The following ANKUB1 variants were observed in gnomAD, a reference collection of about 807,000 sequenced individuals.
ANKUB1 encodes protein ANKUB1.
Under a neutral mutation model 49.3 loss-of-function variants are expected in ANKUB1, and 42 were observed. The ratio of observed to expected loss-of-function variants is 0.85; its 90% CI spans 0.67 to 1.10. The LOEUF is 1.10. Ranked by LOEUF, ANKUB1 falls within the 50% of genes least tolerant of loss-of-function variation. The probability of loss-of-function intolerance (pLI) is 0.00; values close to 1 mark genes in which losing one functional copy is unlikely to be tolerated. For missense variants in ANKUB1, 613 were observed against 642.0 expected (o/e 0.95, Z 0.49); for synonymous variants, 222 against 231.0 (o/e 0.96, Z 0.35).
rs1176422249 is a variant in ANKUB1, at chr3:149,777,309, T to TA, written c.451+2929dup. On this transcript the variant is annotated intron_variant, in intron 3 of 5. Coordinates refer to ENST00000446160, the MANE Select transcript of ANKUB1 (RefSeq NM_001144960.3). ...CAACAGGGTGAAACCCCGTCTCTAC[T>TA]AAAATACAAAACATTAGCTGGGAGT... Among the ~76,000 whole-genome samples the TA allele has an allele frequency of 1.6e-4, 24 of 151,804 alleles. 1 individual carries two copies. Among genetic ancestry groups the TA allele is most frequent in the Non-Finnish European group, 2.9e-5 (2 of 67,934 alleles).
intron 2 of ANKUB1, among the ~76,000 whole-genome samples, chr3:149,788,343 G>T (rs1576684360): frequency 1.3e-5 from 2 of 151,732 alleles, no homozygotes; most frequent in African/African-American, 4.8e-5. Context: ...TCTGTGTGTT[G>T]TCCAGTCCTG....
chr3:149,773,192 C>T (rs1266398121), intron 3 of ANKUB1, among the ~76,000 whole-genome samples: 1 of 152,078 alleles, frequency 6.6e-6, no homozygotes, highest in Non-Finnish European at 1.5e-5. Flanking sequence ...CCTCTGTACA[C>T]GAACACGACA....
At chr3:149,775,777 C>G (rs1270743422) in intron 3 of ANKUB1, among the ~76,000 whole-genome samples, 1 of 152,042 alleles carries the variant, frequency 6.6e-6, no homozygotes, top group African/African-American at 2.4e-5. Flanking sequence ...AACAGAATAA[C>G]AAGCAGATAA....
In ANKUB1 at chr3:149,770,660, A is replaced by T; in HGVS notation, c.466T>A (p.Leu156Met). The T allele has an allele frequency of 6.5e-7, 1 of 1,548,082 alleles. No individual in the cohort carries two copies. The highest frequency in any genetic ancestry group is 8.7e-7 in the Non-Finnish European group (1 of 1,145,118). Residue 156 changes from leucine to methionine, a missense_variant, in exon 4 of 6, where the codon TTG becomes ATG. Leu to Met is a conservative substitution (Grantham distance 15, BLOSUM62 2). Coordinates refer to ENST00000446160, the MANE Select transcript of ANKUB1 (RefSeq NM_001144960.3). ...TCCTTCCATCCATCCCAGACATCCAAGCGAAGTGTTGTGCCTGTGGATCAA... is the reference window on the plus strand; with the variant it reads ...TCCTTCCATCCATCCCAGACATCCATGCGAAGTGTTGTGCCTGTGGATCAA... ...YQTDIGTTLR[L>M]DVWDGWKEFL...
intron 2 of ANKUB1, among the ~76,000 whole-genome samples, chr3:149,789,294 C>T (rs1465330047): frequency 6.6e-6 from 1 of 152,190 alleles, no homozygotes. Flanking sequence ...TGAACTTACA[C>T]TACCATCTCT....
Position 149,768,049 on chromosome 3 carries a change from T to G in ANKUB1, c.613A>C (p.Ile205Leu), listed in dbSNP as rs567639939. 6 of 1,454,906 alleles carry G rather than the reference T, an allele frequency of 4.1e-6. No homozygotes were observed. The highest frequency in any genetic ancestry group is 2.9e-5 in the African/African-American group (2 of 70,102). 90.1% of individuals were successfully genotyped at this position (1,454,906 alleles called of 1,614,324 possible). A position where few individuals can be genotyped will look rare whatever the true frequency, so the allele number is the denominator to read the frequency against. The change falls in exon 5 of 6, where the codon ATT (isoleucine) becomes CTT (leucine). Residue 205 changes from isoleucine (I) to leucine (L), a missense_variant. Transcript: ENST00000446160. ...ALYIAAFCGY[I>L]ELTEWALKQG... ...TTCAGGGCCCATTCAGTGAGTTCAA[T>G]GTACCCACAAAAAGCAGCAATGTAC...
rs1412077476 is a variant in ANKUB1 at position 149,767,256 on chromosome 3, G to A, written c.1406C>T (p.Pro469Leu). 1 of 1,551,514 alleles carries A rather than the reference G, an allele frequency of 6.4e-7. No individual in the cohort carries two copies. Among genetic ancestry groups the A allele is most frequent in the African/African-American group, 1.4e-5 (1 of 73,036 alleles). ...GGACTTCAGTAAAAAGTCAGCACTG[G>A]GTGTTGCATAGAAAAACGATGGATG... Reference protein sequence around the residue: ...YSHPSFFYATPSADFLLKSSF... With the variant: ...YSHPSFFYATLSADFLLKSSF... Residue 469 changes from proline (P) to leucine (L), a missense_variant, in exon 5 of 6, where the codon CCC (proline) becomes CTC (leucine). Physicochemically the swap from Pro to Leu is moderately conservative, Grantham distance 98. Transcript: ENST00000446160.
At chr3:149,790,471 C>G (rs1036387909) in intron 2 of ANKUB1, among the ~76,000 whole-genome samples, 3 of 152,146 alleles carry the variant, frequency 2.0e-5, no homozygotes, top group Non-Finnish European at 2.9e-5. Flanking sequence ...CTTCCCACAT[C>G]AAAATTCCAG....
At chr3:149,787,845 A>G (rs2108281472) in intron 2 of ANKUB1, among the ~76,000 whole-genome samples, 1 of 152,332 alleles carries the variant, frequency 6.6e-6, no homozygotes, top group African/African-American at 2.4e-5. Flanking sequence ...AAATATGAGC[A>G]CAATAAAGAA....
chr3:149,764,581 TC>T (rs1716915578), intron 5 of ANKUB1, among the ~76,000 whole-genome samples: 1 of 73,858 alleles, frequency 1.4e-5, no homozygotes. Flanking sequence ...CCTCCCTCCC[TC>T]CCTCCCTCCC....
Position 149,767,281 on chromosome 3 carries a change from G to A in ANKUB1, c.1381C>T (p.His461Tyr), listed in dbSNP as rs1483307791. Residue 461 changes from histidine (H) to tyrosine (Y), a missense_variant, in exon 5 of 6, where the codon CAT becomes TAT. Transcript: ENST00000446160. ...GGTGTTGCATAGAAAAACGATGGAT[G>A]TGAATATCCCACTCTTGAAACTGGA... ...LPPVSRVGYSHPSFFYATPSA... is the reference protein window; with the variant it reads ...LPPVSRVGYSYPSFFYATPSA... 5.2e-6 allele frequency: 8 copies of A among 1,551,552 alleles called. No homozygotes were observed. The East Asian group carries it at 2.0e-4, about 38-fold the overall frequency.
At chr3:149,785,728 C>T (rs1718069887) in intron 2 of ANKUB1, among the ~76,000 whole-genome samples, 1 of 152,124 alleles carries the variant, frequency 6.6e-6, no homozygotes, top group South Asian at 2.1e-4. Flanking sequence ...CATACATGTG[C>T]ATGTGTCTTT....
At chr3:149,776,070 C>T (rs1282014810) in intron 3 of ANKUB1, among the ~76,000 whole-genome samples, 1 of 152,166 alleles carries the variant, frequency 6.6e-6, no homozygotes, top group Admixed American at 6.5e-5. Flanking sequence ...CTTCATTACT[C>T]ATCTTCTTCT....
At chr3:149,786,023 T>TTTTATTTA (rs575224030) in intron 2 of ANKUB1, among the ~76,000 whole-genome samples, 113 of 151,832 alleles carry the variant, frequency 7.4e-4, no homozygotes, top group South Asian at 5.0e-3. Flanking sequence ...GATGATGAGC[T>TTTTATTTA]TTTATTTATT....
intron 2 of ANKUB1, among the ~76,000 whole-genome samples, chr3:149,784,854 A>G (rs1402313236): frequency 2.0e-5 from 3 of 152,176 alleles, no homozygotes; most frequent in African/African-American, 7.2e-5. Flanking sequence ...ACAATCATAT[A>G]CCATCTTGTT....
Position 149,790,790 on chromosome 3 carries a change from G to A in ANKUB1, c.225C>T (p.Cys75=). 1 of 1,550,764 alleles carries A rather than the reference G, an allele frequency of 6.4e-7. No homozygotes were observed. The highest frequency in any genetic ancestry group is 2.4e-5 in the East Asian group (1 of 40,860). Residue 75 remains cysteine (C), a synonymous_variant, in exon 2 of 6, where the codon TGC becomes TGT. Transcript: ENST00000446160. ...ATCCTGACCATCATACCTTAACAAA[G>A]CATTTGAGAGTTGAACAGAAAGATA... ...VGISFCSTLK[C]FVKEEDKPTL...
intron 3 of ANKUB1, among the ~76,000 whole-genome samples, chr3:149,777,447 G>A (rs1217621836): frequency 6.6e-6 from 1 of 151,846 alleles, no homozygotes; most frequent in East Asian, 1.9e-4. Context: ...ACTCTAACCT[G>A]GCAACAGGCA....
intron 2 of ANKUB1, among the ~76,000 whole-genome samples, chr3:149,786,832 G>C (rs140896567): frequency 0.028 from 4,326 of 152,260 alleles, 83 homozygotes; most frequent in Non-Finnish European, 0.036. Context: ...AATAGGGAAT[G>C]CTTTCCCCAT....
At chr3:149,784,244 G>C (rs1209575134) in intron 2 of ANKUB1, among the ~76,000 whole-genome samples, 1 of 152,168 alleles carries the variant, frequency 6.6e-6, no homozygotes, top group African/African-American at 2.4e-5. Flanking sequence ...TACAAGTCTG[G>C]TTATAGAAGG....
Sources: allele counts gnomAD v4.1 joint callset (sites outside exome capture counted in the v4.1 genomes callset), GRCh38; gene constraint gnomAD v4.1.1; transcripts MANE v1.5; gene names NCBI Gene and HGNC (gene_info 2026-07-23, HGNC 2026-07-21).